NUDT3: variants seen among roughly 807,000 people sequenced by gnomAD.
NUDT3 encodes nudix hydrolase 3, also known as diphosphoinositol polyphosphate phosphohydrolase 1.
A neutral mutation model predicts 23.6 loss-of-function variants in NUDT3; 9 were observed. That is an observed-to-expected ratio of 0.38 (90% confidence interval 0.23 to 0.66). The LOEUF is 0.66. Among genes scored for constraint, NUDT3 ranks in the 30% least tolerant of loss-of-function variants. NUDT3 has a pLI of 0.52. For missense variants in NUDT3, 172 were observed against 218.5 expected, an observed-to-expected ratio of 0.79 and a Z score of 1.34; for synonymous variants, 86 against 82.6, an observed-to-expected ratio of 1.04 and a Z score of -0.22.
intron 1 of NUDT3, among the ~76,000 whole-genome samples, chr6:34,386,501 T>C (rs2113771931): frequency 6.6e-6 from 1 of 152,308 alleles, no homozygotes; most frequent in Non-Finnish European, 1.5e-5. Context: ...TTCAATAAAT[T>C]TGCTATGTTG....
At chr6:34,325,222 G>GA (rs1202778381) in intron 2 of NUDT3, among the ~76,000 whole-genome samples, 1 of 150,724 alleles carries the variant, frequency 6.6e-6, no homozygotes, top group Non-Finnish European at 1.5e-5. Flanking sequence ...TTTATATAAT[G>GA]AATTTTTTTT....
chr6:34,339,620 C>T (rs1327940011), intron 2 of NUDT3, among the ~76,000 whole-genome samples: 1 of 152,190 alleles, frequency 6.6e-6, no homozygotes, highest in Non-Finnish European at 1.5e-5. Flanking sequence ...CTATGGTTCA[C>T]CACCGTTTTT....
In NUDT3 at chr6:34,281,109, C is replaced by A. The variant is rs1284853560; in HGVS notation, c.*7644G>T. On this transcript the variant is annotated 3_prime_UTR_variant, in exon 5 of 5. Transcript: ENST00000607016. ...CATCTCTTTTATAAGTAGAATGGTC[C>A]CAGGGATGTTAACCTTTCTGATGCT... is the stretch of plus-strand genomic sequence containing the variant. The A allele has an allele frequency of 6.6e-6, 1 of 152,098 alleles. No individual in the cohort carries two copies. The highest frequency in any genetic ancestry group is 2.4e-5 in the African/African-American group (1 of 41,410). The allele number at this position is 152,098 out of a possible 1,614,324, so 9.4% of individuals were successfully genotyped here. A position where few individuals can be genotyped will look rare whatever the true frequency, so the allele number is the denominator to read the frequency against.
chr6:34,291,085 A>G (rs1763414761), intron 4 of NUDT3, among the ~76,000 whole-genome samples: 1 of 151,778 alleles, frequency 6.6e-6, no homozygotes, highest in South Asian at 2.1e-4. Flanking sequence ...TCAGCCCCCA[A>G]GTAGCTGGGA....
intron 1 of NUDT3, among the ~76,000 whole-genome samples, chr6:34,356,377 T>C (rs1764561811): frequency 6.6e-6 from 1 of 152,212 alleles, no homozygotes; most frequent in African/African-American, 2.4e-5. Flanking sequence ...TGATTCTTTC[T>C]ACAGAATACT....
At chr6:34,371,139 G>A (rs746747444) in intron 1 of NUDT3, among the ~76,000 whole-genome samples, 1 of 149,662 alleles carries the variant, frequency 6.7e-6, no homozygotes, top group African/African-American at 2.5e-5. Flanking sequence ...GTCTAATACC[G>A]CTTTGCTGTG....
chr6:34,317,667 GA>G (rs1258721825), intron 2 of NUDT3, among the ~76,000 whole-genome samples: 28 of 152,122 alleles, frequency 1.8e-4, no homozygotes, highest in Non-Finnish European at 3.8e-4. Flanking sequence ...CAGAAAGCAT[GA>G]GATAACAAAT....
intron 1 of NUDT3, among the ~76,000 whole-genome samples, chr6:34,358,258 T>TACACACACAC (rs71538235): frequency 0.022 from 3,129 of 144,642 alleles, 79 homozygotes; most frequent in African/African-American, 0.059. Flanking sequence ...ATGAGTAGTT[T>TACACACACAC]ACACACACAC....
chr6:34,290,258 C>G (rs1224900902), intron 4 of NUDT3, among the ~76,000 whole-genome samples: 1 of 139,400 alleles, frequency 7.2e-6, no homozygotes, highest in Non-Finnish European at 1.5e-5. Flanking sequence ...TTTTTTTTTT[C>G]CAGAGATAGG....
intron 1 of NUDT3, among the ~76,000 whole-genome samples, chr6:34,383,261 T>C (rs944860616): frequency 6.6e-6 from 1 of 151,962 alleles, no homozygotes; most frequent in Non-Finnish European, 1.5e-5. Context: ...ACATCAGAAA[T>C]ATGTTAAATA....
At chr6:34,354,394 A>AACACACACACACACACACAC (rs370168110) in intron 1 of NUDT3, among the ~76,000 whole-genome samples, 107 of 137,708 alleles carry the variant, frequency 7.8e-4, no homozygotes, top group African/African-American at 2.1e-3. Flanking sequence ...GATTTCATTA[A>AACACACACACACACACACAC]ACACACACAC....
At chr6:34,374,919 A>T (rs1764896527) in intron 1 of NUDT3, among the ~76,000 whole-genome samples, 1 of 152,240 alleles carries the variant, frequency 6.6e-6, no homozygotes, top group Non-Finnish European at 1.5e-5. Flanking sequence ...CATGCTCTTG[A>T]ATCAGTCCCC....
At chr6:34,341,280 C>A (rs1764284529) in intron 2 of NUDT3, among the ~76,000 whole-genome samples, 1 of 151,944 alleles carries the variant, frequency 6.6e-6, no homozygotes, top group Non-Finnish European at 1.5e-5. Context: ...AACTAAGAGT[C>A]CATGACTTTA....
At chr6:34,318,765 G>C (rs1314128395) in intron 2 of NUDT3, among the ~76,000 whole-genome samples, 1 of 151,954 alleles carries the variant, frequency 6.6e-6, no homozygotes, top group African/African-American at 2.4e-5. Context: ...GTCTCGCTAT[G>C]TTGCCTAGGC....
chr6:34,294,339 C>A (rs1324752133), intron 3 of NUDT3, among the ~76,000 whole-genome samples: 5 of 151,876 alleles, frequency 3.3e-5, no homozygotes, highest in African/African-American at 1.2e-4. Flanking sequence ...CCAGGCTGGT[C>A]TTAAACTCCT....
chr6:34,333,151 T>C (rs968013959), intron 2 of NUDT3, among the ~76,000 whole-genome samples: 5 of 152,164 alleles, frequency 3.3e-5, no homozygotes, highest in African/African-American at 1.2e-4. Flanking sequence ...TAAAAGGATT[T>C]TGACCACAAG....
At chr6:34,382,071 T>C (rs1581902827) in intron 1 of NUDT3, among the ~76,000 whole-genome samples, 1 of 63,778 alleles carries the variant, frequency 1.6e-5, no homozygotes, top group Non-Finnish European at 2.6e-5. Flanking sequence ...AGACTCTATC[T>C]CAAAAAAAAA....
Position 34,337,154 on chromosome 6 carries a change from A to G in NUDT3, c.210+4708T>C, listed in dbSNP as rs894020815. On this transcript the variant is annotated intron_variant, in intron 2 of 4. Coordinates refer to ENST00000607016, the MANE Select transcript of NUDT3 (RefSeq NM_006703.4). ...TACATTTTATTTGGATACTTATTCTAAAGTTCAAAGCAGTTCACAGACATT... is the reference window on the plus strand; with the variant it reads ...TACATTTTATTTGGATACTTATTCTGAAGTTCAAAGCAGTTCACAGACATT... Among the ~76,000 whole-genome samples the G allele has an allele frequency of 2.6e-5, 4 of 152,226 alleles. 1 individual carries two copies. Among genetic ancestry groups the G allele is most frequent in the Admixed American group, 1.3e-4 (2 of 15,292 alleles).
chr6:34,312,552 C>A (rs1242042659), intron 2 of NUDT3, among the ~76,000 whole-genome samples: 3 of 152,142 alleles, frequency 2.0e-5, no homozygotes, highest in African/African-American at 4.8e-5. Context: ...ACTATACATA[C>A]CATTACCACA....
Sources: allele counts gnomAD v4.1 joint callset (sites outside exome capture counted in the v4.1 genomes callset), GRCh38; gene constraint gnomAD v4.1.1; transcripts MANE v1.5; gene names NCBI Gene and HGNC (gene_info 2026-07-23, HGNC 2026-07-21).